The following UGT1A10 variants were observed in gnomAD, a reference collection of about 807,000 sequenced individuals.
UGT1A10 encodes the protein UDP-glucuronosyltransferase 1A10.
Under a neutral mutation model 45.8 loss-of-function variants are expected in UGT1A10, and 49 were observed. That is an observed-to-expected ratio of 1.07 (90% CI 0.85 to 1.36). UGT1A10 has a LOEUF of 1.36. Among genes scored for constraint, UGT1A10 ranks in the 40% most tolerant of loss-of-function variants. The pLI is 0.00. For missense variants in UGT1A10, 745 were observed against 668.6 expected (o/e 1.11, Z -1.26); for synonymous variants, 284 against 249.7 (o/e 1.14, Z -1.29).
At chr2:233,770,673 AAAG>A (rs1468674033) in intron 4 of UGT1A10, 2 of 152,078 alleles carry the variant, frequency 1.3e-5, no homozygotes, top group Admixed American at 6.6e-5. Context: ...AAAAAAAAAA[AAAG>A]AAGGTTCCAA....
intron 1 of UGT1A10, among the ~76,000 whole-genome samples, chr2:233,668,292 G>A (rs2074118244): frequency 6.6e-6 from 1 of 152,092 alleles, no homozygotes; most frequent in African/African-American, 2.4e-5. Flanking sequence ...ACCTATGAGT[G>A]AGAACATGCA....
At chr2:233,721,253 T>C (rs373881377) in intron 1 of UGT1A10, among the ~76,000 whole-genome samples, 4 of 152,188 alleles carry the variant, frequency 2.6e-5, no homozygotes, top group East Asian at 3.9e-4. Flanking sequence ...AAAATATATA[T>C]GTTCTTTAGC....
chr2:233,745,785 G>T (rs902358677), intron 1 of UGT1A10, among the ~76,000 whole-genome samples: 5 of 150,990 alleles, frequency 3.3e-5, no homozygotes, highest in Admixed American at 1.3e-4. Flanking sequence ...CTTAGACAGG[G>T]GGGCTGGGGT....
At chr2:233,692,037 A>G (rs2075074158) in intron 1 of UGT1A10, 1 of 152,220 alleles carries the variant, frequency 6.6e-6, no homozygotes, top group Non-Finnish European at 1.5e-5. Context: ...TTGCCAGGGA[A>G]CAAAACCCTT....
At chr2:233,693,160 G>T in intron 1 of UGT1A10, 5 of 1,614,182 alleles carry the variant, frequency 3.1e-6, no homozygotes, top group Non-Finnish European at 4.2e-6. Flanking sequence ...TCAGTGACCG[G>T]GGTCATGAGA....
At chr2:233,670,116 T>C (rs13418420) in intron 1 of UGT1A10, among the ~76,000 whole-genome samples, 36,824 of 152,178 alleles carry the variant, frequency 0.24, 4,813 homozygotes, top group East Asian at 0.53. Context: ...TGTATTATCA[T>C]AATGAAGTCA....
At chr2:233,692,123 G>A (rs1308996203) in intron 1 of UGT1A10, 2 of 152,152 alleles carry the variant, frequency 1.3e-5, no homozygotes, top group African/African-American at 4.8e-5. Context: ...AATCAATCAT[G>A]CCTACTATGT....
At chr2:233,751,762 G>A (rs888611090) in intron 1 of UGT1A10, among the ~76,000 whole-genome samples, 16 of 152,160 alleles carry the variant, frequency 1.1e-4, no homozygotes, top group Non-Finnish European at 2.1e-4. Context: ...TGCCATGTGA[G>A]ACATGACTTT....
At chr2:233,754,441 A>G (rs1275435430) in intron 1 of UGT1A10, 18 of 350,072 alleles carry the variant, frequency 5.1e-5, no homozygotes, top group Non-Finnish European at 5.6e-6. Context: ...AAGTGTTTAT[A>G]AATTCTTGGG....
intron 1 of UGT1A10, among the ~76,000 whole-genome samples, chr2:233,653,555 G>A (rs759703545): frequency 6.6e-6 from 1 of 152,134 alleles, no homozygotes; most frequent in Non-Finnish European, 1.5e-5. Flanking sequence ...GGTCACCACC[G>A]CATACACAGT....
intron 1 of UGT1A10, among the ~76,000 whole-genome samples, chr2:233,764,816 T>C (rs4148326): frequency 0.49 from 74,710 of 151,838 alleles, 18,875 homozygotes; most frequent in African/African-American, 0.6. Flanking sequence ...AACCAAAAAA[T>C]GCAGCATGGT....
chr2:233,684,850 G>T (rs541497962), intron 1 of UGT1A10, among the ~76,000 whole-genome samples: 1 of 152,194 alleles, frequency 6.6e-6, no homozygotes, highest in African/African-American at 2.4e-5. Flanking sequence ...ACACTGTATA[G>T]TGTTCCTTTC....
intron 1 of UGT1A10, among the ~76,000 whole-genome samples, chr2:233,683,194 A>G (rs2074622328): frequency 6.6e-6 from 1 of 152,168 alleles, no homozygotes; most frequent in Non-Finnish European, 1.5e-5. Flanking sequence ...TATTTAGGGT[A>G]AATTGTCACT....
At chr2:233,652,392 T>A (rs2073762741) in intron 1 of UGT1A10, among the ~76,000 whole-genome samples, 1 of 152,260 alleles carries the variant, frequency 6.6e-6, no homozygotes, top group African/African-American at 2.4e-5. Flanking sequence ...GTATCTGCTC[T>A]TTTGTTCTTT....
intron 1 of UGT1A10, chr2:233,730,077 T>G: frequency 1.2e-6 from 2 of 1,605,094 alleles, no homozygotes; most frequent in South Asian, 2.2e-5. Flanking sequence ...TGCTTCCATA[T>G]TTACTTATCT....
At chr2:233,728,227 T>C (rs576517888) in intron 1 of UGT1A10, among the ~76,000 whole-genome samples, 6 of 152,272 alleles carry the variant, frequency 3.9e-5, no homozygotes, top group African/African-American at 1.4e-4. Flanking sequence ...ACCATAATCT[T>C]CAGGATGAAA....
chr2:233,768,334 A>G lies in UGT1A10; in HGVS notation c.1190A>G (p.Asn397Ser). 6.2e-7 allele frequency: 1 copy of G among 1,614,208 alleles called. No homozygotes were observed. The highest frequency in any genetic ancestry group is 8.5e-7 in the Non-Finnish European group (1 of 1,180,040). Reference protein sequence around the residue: ...MMPLFGDQMDNAKRMETKGAG... With the variant: ...MMPLFGDQMDSAKRMETKGAG... ...CCCTTGTTTGGTGATCAGATGGACA[A>G]TGCAAAGCGCATGGAGACTAAGGGA... The change falls in exon 4 of 5, where the codon AAT becomes AGT. Residue 397 changes from asparagine (N) to serine (S), a missense_variant. Physicochemically the swap from Asn to Ser is conservative, Grantham distance 46. Transcript: ENST00000344644.
At chr2:233,695,645 C>T (rs1431820940) in intron 1 of UGT1A10, among the ~76,000 whole-genome samples, 1 of 152,012 alleles carries the variant, frequency 6.6e-6, no homozygotes, top group Non-Finnish European at 1.5e-5. Flanking sequence ...ACTTTTTTAG[C>T]TCCACATATA....
intron 1 of UGT1A10, among the ~76,000 whole-genome samples, chr2:233,687,820 C>G (rs1264868576): frequency 1.3e-5 from 2 of 152,068 alleles, no homozygotes; most frequent in Non-Finnish European, 2.9e-5. Context: ...GTGGGAGGAT[C>G]TCCTGTAAAC....
Sources: allele counts gnomAD v4.1 joint callset (sites outside exome capture counted in the v4.1 genomes callset), GRCh38; gene constraint gnomAD v4.1.1; transcripts MANE v1.5; gene names NCBI Gene and HGNC (gene_info 2026-07-23, HGNC 2026-07-21).